The following ANO2 variants were observed in gnomAD, a reference collection of about 807,000 sequenced individuals.
ANO2 encodes the protein anoctamin-2.
ANO2 carries 101 observed loss-of-function variants against 124.2 expected under a neutral mutation model. That is an observed-to-expected ratio of 0.81 (90% CI 0.69 to 0.96). The LOEUF is 0.96. Among genes scored for constraint, ANO2 ranks in the 40% least tolerant of loss-of-function variants. The probability of loss-of-function intolerance (pLI) is 0.00; values close to 1 mark genes in which losing one functional copy is unlikely to be tolerated. For missense variants in ANO2, 1,293 were observed against 1,274.5 expected (o/e 1.01, Z -0.22); for synonymous variants, 486 against 482.5 (o/e 1.01, Z -0.09).
rs570583961 is a variant in ANO2, at chr12:5,603,702, T to C, written c.2088-4073A>G. ...GGCTCACGCCTGTAATTCCAGCACT[T>C]TGGGAAGCCGAGGCGGGCAGATCAC... On this transcript the variant is annotated intron_variant, in intron 19 of 24. Coordinates refer to ENST00000682330, the MANE Select transcript of ANO2 (RefSeq NM_001364791.2). 6.6e-5 allele frequency among the ~76,000 whole-genome samples: 10 copies of C among 152,048 alleles called. No individual in the cohort carries two copies. In the East Asian group the frequency reaches 1.9e-3, roughly 29 times the overall value.
chr12:5,834,733 T>A (rs1374609973), intron 4 of ANO2, among the ~76,000 whole-genome samples: 1 of 152,216 alleles, frequency 6.6e-6, no homozygotes, highest in Non-Finnish European at 1.5e-5. Flanking sequence ...GCTTAAAACA[T>A]TAAAGTATAT....
At chr12:5,903,263 G>A (rs552903544) in intron 3 of ANO2, among the ~76,000 whole-genome samples, 1 of 152,162 alleles carries the variant, frequency 6.6e-6, no homozygotes, top group Non-Finnish European at 1.5e-5. Context: ...AAGAGTTTGA[G>A]GGATCTTTGG....
rs142835683 is a variant in ANO2 at position 5,715,466 on chromosome 12, C to T, written c.1545+17054G>A. 2.9e-3 allele frequency among the ~76,000 whole-genome samples: 445 copies of T among 152,302 alleles called. 2 individuals carry two copies. Among genetic ancestry groups the T allele is most frequent in the African/African-American group, 0.01 (424 of 41,568 alleles). ...TCCAGGATTTGATACAAGTAACCCA[C>T]CCATTCCCAGGATGAGATAAATTTC... is the stretch of plus-strand genomic sequence containing the variant. On this transcript the variant is annotated intron_variant, in intron 14 of 24. Coordinates refer to ENST00000682330, the MANE Select transcript of ANO2 (RefSeq NM_001364791.2).
At chr12:5,638,324 C>G (rs192731077) in intron 15 of ANO2, among the ~76,000 whole-genome samples, 1 of 147,958 alleles carries the variant, frequency 6.8e-6, no homozygotes, top group East Asian at 2.1e-4. Flanking sequence ...CAAGCTCCGC[C>G]TCCTGGGTTC....
intron 11 of ANO2, among the ~76,000 whole-genome samples, chr12:5,746,843 G>A (rs1951278699): frequency 6.6e-6 from 1 of 152,088 alleles, no homozygotes; most frequent in African/African-American, 2.4e-5. Flanking sequence ...TTTTCAATAT[G>A]GTTTAGATTA....
At chr12:5,818,844 T>C (rs929230374) in intron 7 of ANO2, among the ~76,000 whole-genome samples, 3 of 152,078 alleles carry the variant, frequency 2.0e-5, no homozygotes, top group African/African-American at 7.2e-5. Context: ...CCAAGGAACA[T>C]AATGAAGCGG....
chr12:5,668,364 G>A (rs1302586216), intron 14 of ANO2, among the ~76,000 whole-genome samples: 1 of 151,618 alleles, frequency 6.6e-6, no homozygotes, highest in African/African-American at 2.4e-5. Context: ...TTTGAGAAGT[G>A]TCCATTCCTG....
chr12:5,873,032 C>T (rs1937812608), intron 3 of ANO2, among the ~76,000 whole-genome samples: 1 of 152,154 alleles, frequency 6.6e-6, no homozygotes, highest in African/African-American at 2.4e-5. Flanking sequence ...TTTGTTTCAA[C>T]ATTTGGTAAC....
intron 7 of ANO2, among the ~76,000 whole-genome samples, chr12:5,810,879 C>T (rs1365349972): frequency 6.6e-6 from 1 of 152,220 alleles, no homozygotes; most frequent in African/African-American, 2.4e-5. Context: ...CCCACATCCA[C>T]AGGGGCAGGG....
At chr12:5,705,404 G>C (rs1181846891) in intron 14 of ANO2, among the ~76,000 whole-genome samples, 2 of 152,222 alleles carry the variant, frequency 1.3e-5, no homozygotes. Flanking sequence ...GCAGACTTCT[G>C]TCCATGGGCT....
chr12:5,913,890 G>A (rs1408879248), intron 3 of ANO2, among the ~76,000 whole-genome samples: 3 of 152,240 alleles, frequency 2.0e-5, no homozygotes, highest in Admixed American at 6.5e-5. Flanking sequence ...TCCTGAAAAG[G>A]AGGTGGAAAG....
intron 14 of ANO2, among the ~76,000 whole-genome samples, chr12:5,721,080 G>GT (rs1950215698): frequency 6.6e-6 from 1 of 152,186 alleles, no homozygotes; most frequent in African/African-American, 2.4e-5. Flanking sequence ...GCTGGAGATT[G>GT]TAAGTAAAGC....
In ANO2 at chr12:5,705,823, G is replaced by C. The variant is rs201457986; in HGVS notation, c.1545+26697C>G. Reference sequence around the variant, plus strand: ...AATTTATGACAATCTCCTCTACCCAGCTTCAAACTGCCTCAGACTGTTCCA... The same window carrying C: ...AATTTATGACAATCTCCTCTACCCACCTTCAAACTGCCTCAGACTGTTCCA... On this transcript the variant is annotated intron_variant, in intron 14 of 24. Coordinates refer to ENST00000682330, the MANE Select transcript of ANO2 (RefSeq NM_001364791.2). Among the ~76,000 whole-genome samples the C allele has an allele frequency of 5.3e-5, 8 of 152,240 alleles. No individual in the cohort carries two copies. The East Asian group carries it at 1.5e-3, about 29-fold the overall frequency.
intron 1 of ANO2, among the ~76,000 whole-genome samples, chr12:5,940,106 G>A (rs1343361706): frequency 6.6e-6 from 1 of 152,122 alleles, no homozygotes; most frequent in African/African-American, 2.4e-5. Flanking sequence ...TGGATGGATG[G>A]TGAGCTTGTG....
chr12:5,874,621 G>T (rs904744478), intron 3 of ANO2, among the ~76,000 whole-genome samples: 5 of 152,146 alleles, frequency 3.3e-5, no homozygotes, highest in African/African-American at 9.7e-5. Context: ...CAAGCACCCC[G>T]TGCCTCATGC....
chr12:5,565,584 G>T lies in ANO2; in HGVS notation c.2701C>A (p.Arg901Ser). 3 of 1,604,502 alleles carry T rather than the reference G, an allele frequency of 1.9e-6. No homozygotes were observed. Among genetic ancestry groups the T allele is most frequent in the Non-Finnish European group, 2.6e-6 (3 of 1,175,164 alleles). ...SKQYWFILSA[R>S]LAFVIIFQNL... ...TGGAAGATTATGACAAAAGCCAGAC[G>T]GGCGGACAGAATAAACCAGTACTGT... Residue 901 changes from arginine to serine, a missense_variant, in exon 24 of 25, where the codon CGT (arginine) becomes AGT (serine). Coordinates refer to ENST00000682330, the MANE Select transcript of ANO2 (RefSeq NM_001364791.2).
chr12:5,660,278 T>C (rs1460788567), intron 14 of ANO2, among the ~76,000 whole-genome samples: 1 of 151,688 alleles, frequency 6.6e-6, no homozygotes, highest in Non-Finnish European at 1.5e-5. Flanking sequence ...TTAAGCCAAA[T>C]GACTATGAAC....
chr12:5,618,269 T>C (rs1457148246), intron 16 of ANO2, among the ~76,000 whole-genome samples: 2 of 152,038 alleles, frequency 1.3e-5, no homozygotes, highest in Admixed American at 1.3e-4. Flanking sequence ...AGAACGCCCA[T>C]AGACAGAGAG....
intron 1 of ANO2, among the ~76,000 whole-genome samples, chr12:5,927,799 G>A (rs942221326): frequency 5.3e-5 from 8 of 152,228 alleles, no homozygotes; most frequent in African/African-American, 1.7e-4. Flanking sequence ...GAAGATGGCT[G>A]AGAGGCAGAA....
Sources: gnomAD v4.1 joint callset for allele counts (sites outside exome capture counted in the v4.1 genomes callset) on GRCh38, gnomAD v4.1.1 for gene constraint, MANE v1.5 for transcripts, NCBI Gene and HGNC (gene_info 2026-07-23, HGNC 2026-07-21) for gene names.